Variants in KCNH3 observed in about 807,000 individuals in gnomAD.
KCNH3 encodes voltage-gated inwardly rectifying potassium channel KCNH3.
A neutral mutation model predicts 95.6 loss-of-function variants in KCNH3; 36 were observed. The observed-to-expected ratio is 0.38, with a 90% CI of 0.29 to 0.50. The LOEUF is 0.50. Among genes scored for constraint, KCNH3 ranks in the 20% least tolerant of loss-of-function variants. The pLI, the probability that KCNH3 is intolerant of heterozygous loss-of-function variation, is 0.95. For synonymous variants in KCNH3, 620 were observed against 646.3 expected, an observed-to-expected ratio of 0.96 and a Z score of 0.62; for missense variants, 1,030 against 1,484.1, an observed-to-expected ratio of 0.69 and a Z score of 5.03.
intron 7 of KCNH3, among the ~76,000 whole-genome samples, chr12:49,546,789 G>C (rs768319240): frequency 6.6e-6 from 1 of 152,178 alleles, no homozygotes; most frequent in Non-Finnish European, 1.5e-5. Flanking sequence ...CCTCCCCTGT[G>C]TCCTGCTGCT....
intron 1 of KCNH3, 107 bp from the exon 2 acceptor site, chr12:49,540,792 T>C: frequency 1.2e-6 from 1 of 823,714 alleles, no homozygotes; most frequent in Non-Finnish European, 2.0e-6. Context: ...GCAGGATTCC[T>C]GGGGTTTGGA....
chr12:49,555,463 GAT>G (rs1251834898), intron 11 of KCNH3, among the ~76,000 whole-genome samples, 155 bp from the exon 12 acceptor site: 11 of 147,494 alleles, frequency 7.5e-5, no homozygotes, highest in Non-Finnish European at 1.2e-4. Context: ...AAAAAAAAAA[GAT>G]AGTATCATCT....
rs1426451429 is a variant in KCNH3, at chr12:49,557,345, C to A, written c.2653-9C>A. 1 of 1,608,926 alleles carries A rather than the reference C, an allele frequency of 6.2e-7. No individual in the cohort carries two copies. The highest frequency in any genetic ancestry group is 1.3e-5 in the African/African-American group (1 of 74,840). ...TCCATTCTGACCTCGCCTCCTCCCT[C>A]CCCCAAAGGTGACAGAGCTGTCAGA... On this transcript the variant is annotated splice_polypyrimidine_tract_variant and intron_variant, in intron 14 of 14. Coordinates refer to ENST00000257981, the MANE Select transcript of KCNH3 (RefSeq NM_012284.3).
Position 49,556,566 on chromosome 12 carries a change from T to C in KCNH3, c.2575+90T>C, listed in dbSNP as rs1196827942. ...CTGTTGACCTCTGAGCCTTCAATGT[T>C]AGAGAAACTGGCAGACTGCCTGGAG... On this transcript the variant is annotated intron_variant, in intron 13 of 14. Transcript: ENST00000257981. 4 of 945,804 alleles carry C rather than the reference T, an allele frequency of 4.2e-6. No homozygotes were observed. The Admixed American group carries it at 7.7e-5, about 18-fold the overall frequency. 58.6% of individuals were successfully genotyped at this position (945,804 alleles called of 1,614,324 possible).
intron 7 of KCNH3, 137 bp downstream of exon 7, chr12:49,544,519 G>A: frequency 2.4e-6 from 2 of 839,636 alleles, no homozygotes. Context: ...GGGTGTGCAG[G>A]TGTGAGTGTG....
intron 7 of KCNH3, among the ~76,000 whole-genome samples, chr12:49,547,121 C>T (rs1938088902): frequency 6.6e-6 from 1 of 152,134 alleles, no homozygotes; most frequent in East Asian, 1.9e-4. Context: ...TCTCGAACTC[C>T]TGACCTTGTG....
chr12:49,542,825 C>A lies in KCNH3; in HGVS notation c.565C>A (p.His189Asn), dbSNP rs1162349692. The A allele has an allele frequency of 6.2e-7, 1 of 1,607,192 alleles. No homozygotes were observed. Residue 189 changes from histidine (H) to asparagine (N), a missense_variant, in exon 4 of 15, where the codon CAC (histidine) becomes AAC (asparagine). Coordinates refer to ENST00000257981, the MANE Select transcript of KCNH3 (RefSeq NM_012284.3). ...CCTGCAGAAGCAGCCCAAGGGCAAG[C>A]ACAAGCTCAATAAGGTGGGCTCAGC... The part of the protein sequence containing the change: ...GHLQKQPKGK[H>N]KLNKGVFGEK...
chr12:49,541,550 G>A (rs1937871113), intron 2 of KCNH3, 80 bp from the exon 3 acceptor site: 3 of 1,530,744 alleles, frequency 2.0e-6, no homozygotes, highest in Non-Finnish European at 2.7e-6. Context: ...TCTTGCCCGG[G>A]ATGTCAGTGG....
intron 2 of KCNH3, 80 bp downstream of exon 2, chr12:49,541,212 C>A (rs1427722844): frequency 9.6e-7 from 1 of 1,039,440 alleles, no homozygotes; most frequent in Non-Finnish European, 1.4e-6. Context: ...TGTCCCTCCT[C>A]CTTTCTGTTG....
chr12:49,555,709 C>CCCAGCCCCAGCTGATGAGCCCT lies in KCNH3; in HGVS notation c.2235_2256dup (p.Leu753SerfsTer2). 6.2e-7 allele frequency: 1 copy of CCCAGCCCCAGCTGATGAGCCCT among 1,612,768 alleles called. No homozygotes were observed. On this transcript the variant is annotated frameshift_variant, in exon 12 of 15. Transcript: ENST00000257981. LOFTEE classifies it high-confidence loss of function. ...ATGGGGAGCAGGGCCCCACGGTCTC[C>CCCAGCCCCAGCTGATGAGCCCT]CCAGCCCCAGCTGATGAGCCCTCCA... is the stretch of plus-strand genomic sequence containing the variant.
rs537924058 is a variant in KCNH3 at position 49,544,399 on chromosome 12, C to G, written c.1189+17C>G. Reference sequence around the variant, plus strand: ...CTGAGATTGGTACTGGAGGCTCCCTCTGCATGTGGTGGGGAGGGAGTTGTG... The same window carrying G: ...CTGAGATTGGTACTGGAGGCTCCCTGTGCATGTGGTGGGGAGGGAGTTGTG... On this transcript the variant is annotated intron_variant, in intron 7 of 14. Transcript: ENST00000257981. The G allele has an allele frequency of 6.2e-7, 1 of 1,610,820 alleles. No individual in the cohort carries two copies. Among genetic ancestry groups the G allele is most frequent in the East Asian group, 2.2e-5 (1 of 44,880 alleles).
intron 6 of KCNH3, 30 bp from the exon 7 acceptor site, chr12:49,544,145 T>TACCCACCCCCCCCCCCCCCCC: frequency 1.2e-6 from 1 of 818,380 alleles, no homozygotes; most frequent in Non-Finnish European, 2.0e-6. Flanking sequence ...CTGACCTCCC[T>TACCCACCCCCCCCCCCCCCCC]CCCTCCCTCC....
chr12:49,548,860 T>G (rs1938157671), intron 7 of KCNH3, 35 bp from the exon 8 acceptor site: 2 of 1,521,310 alleles, frequency 1.3e-6, no homozygotes, highest in Non-Finnish European at 8.8e-7. Context: ...CCCACAGTCT[T>G]CCTGCCTGCT....
Position 49,539,563 on chromosome 12 carries a change from C to A in KCNH3, c.76+71C>A. Reference sequence around the variant, plus strand: ...GCCAGGGCTCCCGCCTTCCCCGAACCCCCAGCAGCCCAGCTTGGCGCCAGC... The same window carrying A: ...GCCAGGGCTCCCGCCTTCCCCGAACACCCAGCAGCCCAGCTTGGCGCCAGC... On this transcript the variant is annotated intron_variant, in intron 1 of 14. Coordinates refer to ENST00000257981, the MANE Select transcript of KCNH3 (RefSeq NM_012284.3). This position sits in a 1 kb window ranked among gnomAD's most constrained non-coding sequence, Gnocchi z 6.7. 7.4e-7 allele frequency: 1 copy of A among 1,358,558 alleles called. No individual in the cohort carries two copies. Among genetic ancestry groups the A allele is most frequent in the South Asian group, 1.2e-5 (1 of 80,114 alleles). The allele number at this position is 1,358,558 out of a possible 1,614,324, so 84.2% of individuals were successfully genotyped here.
Position 49,543,305 on chromosome 12 carries a change from G to C in KCNH3, c.610G>C (p.Glu204Gln). Reference sequence around the variant, plus strand: ...GTTTGGGGAGAAACCAAACTTGCCTGAGTACAAAGTAGCCGCCATCCGGAA... The same window carrying C: ...GTTTGGGGAGAAACCAAACTTGCCTCAGTACAAAGTAGCCGCCATCCGGAA... Reference protein sequence around the residue: ...GVFGEKPNLPEYKVAAIRKSP... With the variant: ...GVFGEKPNLPQYKVAAIRKSP... The change falls in exon 5 of 15, where the codon GAG (glutamate) becomes CAG (glutamine). Residue 204 changes from glutamate to glutamine, a missense_variant. By Grantham distance (29) the Glu-to-Gln change is conservative (BLOSUM62 2). Coordinates refer to ENST00000257981, the MANE Select transcript of KCNH3 (RefSeq NM_012284.3). The C allele has an allele frequency of 6.2e-7, 1 of 1,613,742 alleles. No individual in the cohort carries two copies. Among genetic ancestry groups the C allele is most frequent in the Non-Finnish European group, 8.5e-7 (1 of 1,180,034 alleles).
At position 49,556,494 on chromosome 12, in the gene KCNH3, T is replaced by C. The variant is rs1938449897; in HGVS notation, c.2575+18T>C. The C allele has an allele frequency of 6.5e-7, 1 of 1,538,772 alleles. No homozygotes were observed. Among genetic ancestry groups the C allele is most frequent in the African/African-American group, 1.4e-5 (1 of 73,452 alleles). ...TGGACCAGGTACCAGGGCCCCGGGA[T>C]GGTCTAGGTTGGTGGGGCAGCCCCT... On this transcript the variant is annotated intron_variant, in intron 13 of 14. Transcript: ENST00000257981.
Position 49,541,722 on chromosome 12 carries a change from G to A in KCNH3, c.403G>A (p.Glu135Lys), listed in dbSNP as rs750321510. The A allele has an allele frequency of 5.0e-6, 8 of 1,614,086 alleles. No individual in the cohort carries two copies. Among genetic ancestry groups the A allele is most frequent in the South Asian group, 1.1e-5 (1 of 91,084 alleles). ...CCTAGTCTCTCACAAGGACATCAGC[G>A]AAACCAAGAACCGAGGGGGCCCCGA... ...LFLVSHKDIS[E>K]TKNRGGPDRW... The change falls in exon 3 of 15, where the codon GAA (glutamate) becomes AAA (lysine). Residue 135 changes from glutamate to lysine, a missense_variant. Transcript: ENST00000257981.
chr12:49,554,721 C>T (rs1645333642), intron 11 of KCNH3, among the ~76,000 whole-genome samples, 167 bp downstream of exon 11: 1 of 152,170 alleles, frequency 6.6e-6, no homozygotes, highest in African/African-American at 2.4e-5. Flanking sequence ...CACTCATGTG[C>T]CCAGCCCAGC....
chr12:49,556,135 G>A lies in KCNH3; in HGVS notation c.2468+184G>A, dbSNP rs960414189. The A allele has an allele frequency of 8.4e-6, 5 of 596,318 alleles. No homozygotes were observed. The African/African-American group carries it at 9.3e-5, about 11-fold the overall frequency. The allele number at this position is 596,318 out of a possible 1,614,324, so 36.9% of individuals were successfully genotyped here. A position where few individuals can be genotyped will look rare whatever the true frequency, so the allele number is the denominator to read the frequency against. On this transcript the variant is annotated intron_variant, in intron 12 of 14. Coordinates refer to ENST00000257981, the MANE Select transcript of KCNH3 (RefSeq NM_012284.3). ...TTCTCCTGCTGTCCCACTCCACTGTGTGGTGTGTGGCACACGCTGCTCTGA... is the reference window on the plus strand; with the variant it reads ...TTCTCCTGCTGTCCCACTCCACTGTATGGTGTGTGGCACACGCTGCTCTGA...
Sources: gnomAD v4.1 joint callset for allele counts (sites outside exome capture counted in the v4.1 genomes callset) on GRCh38, gnomAD v4.1.1 for gene constraint, Gnocchi (gnomAD v3.1) non-coding constraint, MANE v1.5 for transcripts, NCBI Gene and HGNC (gene_info 2026-07-23, HGNC 2026-07-21) for gene names.